The following PALMD variants were observed in gnomAD, a reference collection of about 807,000 sequenced individuals.
PALMD encodes the protein paralemmin-like protein.
A neutral mutation model predicts 56.2 loss-of-function variants in PALMD; 42 were observed. The observed-to-expected ratio is 0.75, with a 90% CI of 0.58 to 0.97. The LOEUF (loss-of-function observed/expected upper bound fraction) is 0.97, where lower values mean the gene tolerates loss of function less well. Ranked by LOEUF, PALMD falls within the 50% of genes least tolerant of loss-of-function variation. The pLI is 0.00. For missense variants in PALMD, 660 were observed against 643.8 expected (o/e 1.03, Z -0.27); for synonymous variants, 242 against 222.9 (o/e 1.09, Z -0.76).
chr1:99,660,292 AGT>A (rs1403161166), intron 1 of PALMD, among the ~76,000 whole-genome samples: 2 of 152,196 alleles, frequency 1.3e-5, no homozygotes, highest in Non-Finnish European at 2.9e-5. Flanking sequence ...ATTGGCTAGG[AGT>A]GTGGAGGCTG....
At position 99,687,339 on chromosome 1, in the gene PALMD, G is replaced by A. The variant is rs1653526402; in HGVS notation, c.514+150G>A. The A allele has an allele frequency of 7.7e-6, 6 of 780,010 alleles. No individual in the cohort carries two copies. The Admixed American group carries it at 1.8e-4, about 24-fold the overall frequency. The allele number at this position is 780,010 out of a possible 1,614,324, so 48.3% of individuals were successfully genotyped here. A position where few individuals can be genotyped will look rare whatever the true frequency, so the allele number is the denominator to read the frequency against. On this transcript the variant is annotated intron_variant, in intron 6 of 7. Coordinates refer to ENST00000263174, the MANE Select transcript of PALMD (RefSeq NM_017734.5). ...GTGAGTTATGTGAGTCACCGCATAG[G>A]TGAGGATAATGAGGGTATAATAATA...
chr1:99,659,445 A>G (rs1342521300), intron 1 of PALMD, among the ~76,000 whole-genome samples: 1 of 152,220 alleles, frequency 6.6e-6, no homozygotes, highest in Admixed American at 6.5e-5. Flanking sequence ...TAATGGTTAC[A>G]TTAATAACCA....
chr1:99,683,080 GAGAGAGAGAGAAAGAA>G (rs1557673853), intron 3 of PALMD, among the ~76,000 whole-genome samples: 18 of 16,884 alleles, frequency 1.1e-3, no homozygotes, highest in Middle Eastern at 0.023. Flanking sequence ...GAGAGAGAGA[GAGAGAGAGAGAAAGAA>G]AGAAAGAAAG....
At chr1:99,691,904 A>T (rs1218834740) in intron 7 of PALMD, among the ~76,000 whole-genome samples, 2 of 152,206 alleles carry the variant, frequency 1.3e-5, no homozygotes, top group Non-Finnish European at 2.9e-5. Flanking sequence ...AGCAATTTTA[A>T]TTTGGAAAAC....
intron 7 of PALMD, among the ~76,000 whole-genome samples, chr1:99,690,567 G>A (rs1299408724): frequency 6.6e-6 from 1 of 151,914 alleles, no homozygotes; most frequent in African/African-American, 2.4e-5. Flanking sequence ...GCATTGAGTG[G>A]AAAATAACTT....
At chr1:99,687,316 G>A (rs1456655163) in intron 6 of PALMD, 127 bp downstream of exon 6, 5 of 965,228 alleles carry the variant, frequency 5.2e-6, no homozygotes, top group Non-Finnish European at 7.5e-6. Flanking sequence ...AAAGTTCTGT[G>A]AGTTATGTGA....
At chr1:99,654,900 G>A (rs1652684997) in intron 1 of PALMD, among the ~76,000 whole-genome samples, 1 of 152,024 alleles carries the variant, frequency 6.6e-6, no homozygotes, top group Non-Finnish European at 1.5e-5. Flanking sequence ...GTTTCTGTTG[G>A]AATTTAACAA....
At position 99,689,717 on chromosome 1, in the gene PALMD, C is replaced by A. The variant is rs1286412508; in HGVS notation, c.1457C>A (p.Ser486Ter). ...CCAACACCACTTCCTAGAAAAAGATCAGAAGCTAGTCCTCATGAAAACACA... is the reference window on the plus strand; with the variant it reads ...CCAACACCACTTCCTAGAAAAAGATAAGAAGCTAGTCCTCATGAAAACACA... ...AKPTPLPRKR[S>*]EASPHENTNH... The change falls in exon 7 of 8, where the codon TCA becomes TAA. Residue 486 changes from serine to a stop codon, truncating the protein, a stop_gained. Transcript: ENST00000263174. LOFTEE classifies it high-confidence loss of function. 1 of 1,613,782 alleles carries A rather than the reference C, an allele frequency of 6.2e-7. No individual in the cohort carries two copies. The highest frequency in any genetic ancestry group is 1.3e-5 in the African/African-American group (1 of 75,020).
At chr1:99,687,249 T>C in intron 6 of PALMD, 60 bp downstream of exon 6, 1 of 1,516,434 alleles carries the variant, frequency 6.6e-7, no homozygotes, top group Non-Finnish European at 8.8e-7. Context: ...CAGTGTCAAA[T>C]ATTCACAACT....
In PALMD at chr1:99,672,251, G is replaced by A. The variant is rs79191315; in HGVS notation, c.251+4485G>A. Among the ~76,000 whole-genome samples, 791 of 152,256 alleles carry A rather than the reference G, an allele frequency of 5.2e-3. 5 individuals carry two copies. The highest frequency in any genetic ancestry group is 0.018 in the African/African-American group (764 of 41,542). ...CTTAGCTTTCAAACAATATTGTGGAGTATTTTGCCTTGTGCCCTGATTAAT... is the reference window on the plus strand; with the variant it reads ...CTTAGCTTTCAAACAATATTGTGGAATATTTTGCCTTGTGCCCTGATTAAT... On this transcript the variant is annotated intron_variant, in intron 3 of 7. Coordinates refer to ENST00000263174, the MANE Select transcript of PALMD (RefSeq NM_017734.5).
chr1:99,683,182 G>T (rs1267434104), intron 3 of PALMD: 2 of 150,860 alleles, frequency 1.3e-5, no homozygotes, highest in African/African-American at 4.9e-5. Context: ...AACACCCTAT[G>T]AAGTTGTTAA....
intron 3 of PALMD, among the ~76,000 whole-genome samples, chr1:99,681,151 ATG>A (rs1557673147): frequency 0.016 from 2,450 of 151,426 alleles, 77 homozygotes; most frequent in African/African-American, 0.057. Context: ...ATATATATAT[ATG>A]TATAGAGCCC....
intron 3 of PALMD, among the ~76,000 whole-genome samples, chr1:99,682,789 T>C (rs1653371484): frequency 1.3e-5 from 2 of 151,824 alleles, no homozygotes; most frequent in Non-Finnish European, 2.9e-5. Context: ...GCAGATCACT[T>C]GAGGTCAGGA....
intron 3 of PALMD, among the ~76,000 whole-genome samples, chr1:99,679,045 C>T (rs1396032053): frequency 2.6e-5 from 4 of 151,946 alleles, no homozygotes; most frequent in Non-Finnish European, 4.4e-5. Flanking sequence ...TTCCATCGAC[C>T]GGCCTCAGAG....
chr1:99,693,318 T>C (rs1653704182), intron 7 of PALMD, among the ~76,000 whole-genome samples: 1 of 152,146 alleles, frequency 6.6e-6, no homozygotes, highest in Non-Finnish European at 1.5e-5. Flanking sequence ...AAATCCTAAA[T>C]AATAAGAATA....
chr1:99,658,950 A>G (rs1229455836), intron 1 of PALMD, among the ~76,000 whole-genome samples: 1 of 152,064 alleles, frequency 6.6e-6, no homozygotes, highest in Admixed American at 6.6e-5. Flanking sequence ...TGTCTCAAAA[A>G]AAAAAAAAAG....
At chr1:99,670,816 T>C (rs891843790) in intron 3 of PALMD, among the ~76,000 whole-genome samples, 2 of 152,256 alleles carry the variant, frequency 1.3e-5, no homozygotes, top group Non-Finnish European at 2.9e-5. Context: ...CCCAGCATTA[T>C]AAAAATCACA....
At chr1:99,660,811 A>C (rs993244243) in intron 1 of PALMD, among the ~76,000 whole-genome samples, 1 of 152,184 alleles carries the variant, frequency 6.6e-6, no homozygotes, top group African/African-American at 2.4e-5. Flanking sequence ...GTTTGAGCCC[A>C]GGATGTCAAG....
At position 99,671,478 on chromosome 1, in the gene PALMD, C is replaced by CA. The variant is rs562811609; in HGVS notation, c.251+3718dup. ...AGAGTGCCTGACACATGGAGGTGTACAAAAAATATTAAATACTAGTCCTTA... is the reference window on the plus strand; with the variant it reads ...AGAGTGCCTGACACATGGAGGTGTACAAAAAAATATTAAATACTAGTCCTTA... On this transcript the variant is annotated intron_variant, in intron 3 of 7. Transcript: ENST00000263174. 4.6e-3 allele frequency among the ~76,000 whole-genome samples: 706 copies of CA among 152,206 alleles called. 9 individuals carry two copies. The highest frequency in any genetic ancestry group is 0.016 in the African/African-American group (666 of 41,550).
Sources: allele counts gnomAD v4.1 joint callset (sites outside exome capture counted in the v4.1 genomes callset), GRCh38; gene constraint gnomAD v4.1.1; transcripts MANE v1.5; gene names NCBI Gene and HGNC (gene_info 2026-07-23, HGNC 2026-07-21).